Variants in DAB2 observed in about 807,000 individuals in gnomAD.
DAB2 encodes DAB adaptor protein 2, also known as disabled homolog 2.
A neutral mutation model predicts 71.6 loss-of-function variants in DAB2; 28 were observed. The ratio of observed to expected loss-of-function variants is 0.39; its 90% CI spans 0.29 to 0.54. The LOEUF (loss-of-function observed/expected upper bound fraction) is 0.54, where lower values mean the gene tolerates loss of function less well. DAB2 is among the 20% of genes least tolerant of loss of function. The pLI is 0.68. For synonymous variants in DAB2, 345 were observed against 339.7 expected, an observed-to-expected ratio of 1.02 and a Z score of -0.17; for missense variants, 867 against 928.8, an observed-to-expected ratio of 0.93 and a Z score of 0.86.
rs1579925644 is a variant in DAB2, at chr5:39,412,263, A to G, written c.-102+12541T>C. ...AAACCATGATTATGACAAAACTTGA[A>G]AAGCCTGCAGACACTGACAGCCTTT... On this transcript the variant is annotated intron_variant, in intron 1 of 14. Transcript: ENST00000320816. Among the ~76,000 whole-genome samples the G allele has an allele frequency of 2.6e-5, 4 of 152,082 alleles. No individual in the cohort carries two copies. In the East Asian group the frequency reaches 7.7e-4, roughly 29 times the overall value.
chr5:39,393,523 G>A (rs2071037), intron 2 of DAB2, 130 bp from the exon 3 acceptor site: 930,702 of 953,830 alleles, frequency 0.98, 456,494 homozygotes, highest in Non-Finnish European at 1. Context: ...GTAATATTCT[G>A]TCCTGTCTTA....
chr5:39,414,716 G>A (rs537965476), intron 1 of DAB2, among the ~76,000 whole-genome samples: 4 of 112,522 alleles, frequency 3.6e-5, no homozygotes, highest in Admixed American at 8.2e-5. Flanking sequence ...TTAAAAAAAG[G>A]GGGGGGGGTG....
rs912108093 is a variant in DAB2, at chr5:39,372,082, G to A, written c.*1349C>T. On this transcript the variant is annotated 3_prime_UTR_variant, in exon 15 of 15. Coordinates refer to ENST00000320816, the MANE Select transcript of DAB2 (RefSeq NM_001343.4). ...GGCTGATTAACTCCCACAAGAACCTGAGCATTAAGGGTCAAGAGACAACAT... is the reference window on the plus strand; with the variant it reads ...GGCTGATTAACTCCCACAAGAACCTAAGCATTAAGGGTCAAGAGACAACAT... 1.3e-5 allele frequency: 2 copies of A among 152,128 alleles called. No individual in the cohort carries two copies. Among genetic ancestry groups the A allele is most frequent in the Non-Finnish European group, 2.9e-5 (2 of 68,038 alleles). The allele number at this position is 152,128 out of a possible 1,614,324, so 9.4% of individuals were successfully genotyped here. A position where few individuals can be genotyped will look rare whatever the true frequency, so the allele number is the denominator to read the frequency against.
intron 4 of DAB2, among the ~76,000 whole-genome samples, chr5:39,391,174 G>A (rs933825305): frequency 5.3e-5 from 8 of 152,118 alleles, no homozygotes; most frequent in Admixed American, 4.6e-4. Flanking sequence ...GACTACATCA[G>A]TAACCAGGAA....
At chr5:39,412,889 G>A (rs1049631259) in intron 1 of DAB2, among the ~76,000 whole-genome samples, 2 of 152,136 alleles carry the variant, frequency 1.3e-5, no homozygotes, top group African/African-American at 4.8e-5. Flanking sequence ...CTGGGGCAAC[G>A]TGCATAGCCA....
chr5:39,414,356 C>T (rs941642724), intron 1 of DAB2, among the ~76,000 whole-genome samples: 1 of 152,126 alleles, frequency 6.6e-6, no homozygotes, highest in Non-Finnish European at 1.5e-5. Flanking sequence ...TTATCCAGTG[C>T]TAAGCCAAAG....
At chr5:39,373,456 T>C (rs1754748412) in intron 14 of DAB2, 31 bp from the exon 15 acceptor site, 1 of 152,420 alleles carries the variant, frequency 6.6e-6, no homozygotes. Flanking sequence ...AAGAAACTTG[T>C]GGTTAGAATT....
rs1755286520 is a variant in DAB2 at position 39,393,587 on chromosome 5, G to C, written c.92-194C>G. On this transcript the variant is annotated intron_variant, in intron 2 of 14. Coordinates refer to ENST00000320816, the MANE Select transcript of DAB2 (RefSeq NM_001343.4). ...TCCACAATCAACTGTGTATGGAGTT[G>C]AGGTGGGGAGAAAATAAACTGTTAG... Among the ~76,000 whole-genome samples the C allele has an allele frequency of 2.6e-5, 4 of 152,282 alleles. No homozygotes were observed. The South Asian group carries it at 8.3e-4, about 32-fold the overall frequency.
rs147809840 is a variant in DAB2, at chr5:39,392,428, G to A, written c.267C>T (p.His89=). 234 of 1,614,082 alleles carry A rather than the reference G, an allele frequency of 1.4e-4. 3 individuals are homozygous for A. In the African/African-American group the frequency reaches 2.8e-3, roughly 19 times the overall value. The change falls in exon 4 of 15, where the codon CAC becomes CAT. Residue 89 remains histidine (H), a synonymous_variant. Coordinates refer to ENST00000320816, the MANE Select transcript of DAB2 (RefSeq NM_001343.4). ...AAATGTTGACCCAGATCCTTTGTTT[G>A]TGTTGTCCCTGAGACCGACCAGCTG... The part of the protein sequence containing the change: ...MAAAGRSQGQ[H]KQRIWVNISL...
intron 1 of DAB2, among the ~76,000 whole-genome samples, chr5:39,419,290 G>A (rs1227969455): frequency 1.3e-5 from 2 of 152,142 alleles, no homozygotes; most frequent in Non-Finnish European, 2.9e-5. Flanking sequence ...TGCTCACTGG[G>A]AGATTTTCCA....
chr5:39,377,243 T>C lies in DAB2; in HGVS notation c.1544A>G (p.Asn515Ser). 4 of 1,614,120 alleles carry C rather than the reference T, an allele frequency of 2.5e-6. No individual in the cohort carries two copies. The highest frequency in any genetic ancestry group is 2.5e-6 in the Non-Finnish European group (3 of 1,179,998). ...CTGATTGAAGACCAAAGATGCTGTG[T>C]TCCATGGTCCTGCCTGAGGGAGTGT... ...TVTLPQAGPW[N>S]TASLVFNQSP... The change falls in exon 12 of 15, where the codon AAC becomes AGC. Residue 515 changes from asparagine (N) to serine (S), a missense_variant. By Grantham distance (46) the Asn-to-Ser change is conservative. This residue lies in a region of DAB2 where 740 missense variants were observed against 734.3 expected (regional missense o/e 1.01). Coordinates refer to ENST00000320816, the MANE Select transcript of DAB2 (RefSeq NM_001343.4).
chr5:39,393,485 C>G (rs572488405), intron 2 of DAB2, 92 bp from the exon 3 acceptor site: 3 of 1,245,762 alleles, frequency 2.4e-6, no homozygotes, highest in Non-Finnish European at 3.4e-6. Context: ...TAATATAAAT[C>G]CTGATTATAC....
At chr5:39,415,848 T>C (rs1664687489) in intron 1 of DAB2, among the ~76,000 whole-genome samples, 1 of 152,136 alleles carries the variant, frequency 6.6e-6, no homozygotes, top group African/African-American at 2.4e-5. Flanking sequence ...AACTGAACAT[T>C]TGCATCACTA....
chr5:39,406,031 A>T (rs1755602553), intron 1 of DAB2, among the ~76,000 whole-genome samples: 1 of 152,178 alleles, frequency 6.6e-6, no homozygotes, highest in South Asian at 2.1e-4. Context: ...ACTCTTTCCC[A>T]TATACTTTAG....
At chr5:39,399,269 G>A (rs180765042) in intron 1 of DAB2, among the ~76,000 whole-genome samples, 33 of 152,262 alleles carry the variant, frequency 2.2e-4, no homozygotes, top group African/African-American at 7.9e-4. Flanking sequence ...CACCCAAGGG[G>A]TGTTATCACA....
At chr5:39,402,730 T>C (rs1422448675) in intron 1 of DAB2, among the ~76,000 whole-genome samples, 1 of 152,180 alleles carries the variant, frequency 6.6e-6, no homozygotes, top group African/African-American at 2.4e-5. Flanking sequence ...GTATTTTAAC[T>C]AGTAAAGCCC....
intron 1 of DAB2, among the ~76,000 whole-genome samples, chr5:39,420,076 T>C (rs1755943954): frequency 6.6e-6 from 1 of 152,088 alleles, no homozygotes; most frequent in South Asian, 2.1e-4. Context: ...ACTTCCAGAG[T>C]TTGCAGTTCT....
intron 1 of DAB2, among the ~76,000 whole-genome samples, chr5:39,421,087 C>G (rs527800738): frequency 5.3e-5 from 8 of 152,080 alleles, no homozygotes; most frequent in Non-Finnish European, 1.2e-4. Flanking sequence ...TTGAGACCAG[C>G]GAGGTCAGCC....
chr5:39,386,347 T>A (rs1422817290), intron 9 of DAB2, among the ~76,000 whole-genome samples: 2 of 152,172 alleles, frequency 1.3e-5, no homozygotes. Flanking sequence ...GTAATTTAGA[T>A]TTCTTTCTCT....
Sources: gnomAD v4.1 joint callset for allele counts (sites outside exome capture counted in the v4.1 genomes callset) on GRCh38, gnomAD v4.1.1 for gene constraint, gnomAD v4.1.1 regional missense constraint, MANE v1.5 for transcripts, NCBI Gene and HGNC (gene_info 2026-07-23, HGNC 2026-07-21) for gene names.